The following ANXA2 variants were observed in gnomAD, a reference collection of about 807,000 sequenced individuals.
ANXA2 encodes annexin A2, also known as annexin II.
Under a neutral mutation model 47.3 loss-of-function variants are expected in ANXA2, and 28 were observed. The ratio of observed to expected loss-of-function variants is 0.59; its 90% CI spans 0.44 to 0.81. The LOEUF (loss-of-function observed/expected upper bound fraction) is 0.81. Among genes scored for constraint, ANXA2 ranks in the 40% least tolerant of loss-of-function variants. ANXA2 has a pLI of 0.00. For missense variants in ANXA2, 384 were observed against 414.3 expected (o/e 0.93, Z 0.64); for synonymous variants, 172 against 155.5 (o/e 1.11, Z -0.79).
chr15:60,391,500 C>G (rs2063009955), intron 1 of ANXA2, among the ~76,000 whole-genome samples: 1 of 152,036 alleles, frequency 6.6e-6, no homozygotes, highest in African/African-American at 2.4e-5. Flanking sequence ...TGTGGGGAAC[C>G]TAAAATATAA....
intron 1 of ANXA2, among the ~76,000 whole-genome samples, chr15:60,395,367 G>C (rs751215101): frequency 6.6e-6 from 1 of 152,142 alleles, no homozygotes; most frequent in Non-Finnish European, 1.5e-5. Context: ...TGGAATAAAT[G>C]GTTGTTTAAA....
chr15:60,393,164 G>A, intron 1 of ANXA2: 1 of 1,251,574 alleles, frequency 8.0e-7, no homozygotes, highest in Non-Finnish European at 1.0e-6. Context: ...TGAGCAGGAG[G>A]GACACACAGC....
At chr15:60,376,146 G>T (rs1379546216) in intron 3 of ANXA2, among the ~76,000 whole-genome samples, 2 of 152,170 alleles carry the variant, frequency 1.3e-5, no homozygotes, top group Non-Finnish European at 2.9e-5. Context: ...GGGAGGCTGA[G>T]GCAGGCGGAT....
chr15:60,369,619 C>T (rs2062686110), intron 3 of ANXA2, among the ~76,000 whole-genome samples: 1 of 152,200 alleles, frequency 6.6e-6, no homozygotes, highest in South Asian at 2.1e-4. Flanking sequence ...ACGTGAAGCA[C>T]TTATTAAAAA....
At chr15:60,365,060 T>TTTTTTTTTTTTTTTTTTGAGACGG (rs1555400954) in intron 3 of ANXA2, among the ~76,000 whole-genome samples, 2 of 146,350 alleles carry the variant, frequency 1.4e-5, no homozygotes, top group East Asian at 2.0e-4. Flanking sequence ...GTTGTATTTT[T>TTTTTTTTTTTTTTTTTTGAGACGG]AATAGCATAA....
At chr15:60,366,319 A>G (rs1460105991) in intron 3 of ANXA2, among the ~76,000 whole-genome samples, 13 of 129,738 alleles carry the variant, frequency 1.0e-4, no homozygotes, top group Admixed American at 2.3e-4. Flanking sequence ...CGTCTGGGAT[A>G]TGAGGAGCCC....
chr15:60,390,665 C>T, intron 1 of ANXA2: 1 of 257,660 alleles, frequency 3.9e-6, no homozygotes, highest in Non-Finnish European at 7.7e-6. Flanking sequence ...AAGAAAGGGC[C>T]AAGTGATCCA....
chr15:60,366,071 C>T (rs961956745), intron 3 of ANXA2, among the ~76,000 whole-genome samples: 10 of 131,954 alleles, frequency 7.6e-5, no homozygotes, highest in African/African-American at 2.7e-4. Flanking sequence ...GGCTGGTCTC[C>T]AGCTCCTAAC....
chr15:60,352,817 G>A lies in ANXA2; in HGVS notation c.589-341C>T, dbSNP rs1358530566. 6.6e-6 allele frequency among the ~76,000 whole-genome samples: 1 copy of A among 152,138 alleles called. No homozygotes were observed. The highest frequency in any genetic ancestry group is 1.5e-5 in the Non-Finnish European group (1 of 68,030). ...AACACATCTGGCCCTCCTCCCTTTGGGCACATTTAGGGGCAGATAAGCTAG... is the reference window on the plus strand; with the variant it reads ...AACACATCTGGCCCTCCTCCCTTTGAGCACATTTAGGGGCAGATAAGCTAG... On this transcript the variant is annotated intron_variant, in intron 8 of 12. Coordinates refer to ENST00000451270, the MANE Select transcript of ANXA2 (RefSeq NM_004039.3). This position sits in a 1 kb window ranked among gnomAD's most constrained non-coding sequence, Gnocchi z 4.2.
At chr15:60,388,736 T>C (rs931229293) in intron 1 of ANXA2, among the ~76,000 whole-genome samples, 1 of 134,660 alleles carries the variant, frequency 7.4e-6, no homozygotes, top group South Asian at 2.4e-4. Flanking sequence ...CACCTAGACC[T>C]TTTTTTTTTT....
intron 3 of ANXA2, among the ~76,000 whole-genome samples, chr15:60,369,176 T>G (rs1245419906): frequency 6.6e-6 from 1 of 152,260 alleles, no homozygotes; most frequent in East Asian, 1.9e-4. Context: ...TAACTTATAT[T>G]TTGTTTCATT....
intron 1 of ANXA2, among the ~76,000 whole-genome samples, chr15:60,387,752 A>T (rs146802113): frequency 6.6e-5 from 10 of 152,354 alleles, no homozygotes; most frequent in East Asian, 5.8e-4. Flanking sequence ...CGATGTGTCA[A>T]TGTAGGTTCA....
chr15:60,378,033 C>T (rs1425459839), intron 3 of ANXA2, among the ~76,000 whole-genome samples: 2 of 151,950 alleles, frequency 1.3e-5, no homozygotes, highest in Non-Finnish European at 2.9e-5. Context: ...TGCCAGGAGG[C>T]AGAGGTTGCA....
At chr15:60,366,421 C>G (rs1299228935) in intron 3 of ANXA2, among the ~76,000 whole-genome samples, 1 of 151,106 alleles carries the variant, frequency 6.6e-6, no homozygotes, top group Non-Finnish European at 1.5e-5. Flanking sequence ...GCGCGGCCGC[C>G]CATCGTCTGA....
At chr15:60,370,621 C>T (rs772601154) in intron 3 of ANXA2, among the ~76,000 whole-genome samples, 3 of 152,144 alleles carry the variant, frequency 2.0e-5, no homozygotes, top group Non-Finnish European at 4.4e-5. Context: ...CTGAAGGACT[C>T]GGACGGAACC....
At chr15:60,369,902 G>A (rs2062689679) in intron 3 of ANXA2, among the ~76,000 whole-genome samples, 2 of 152,212 alleles carry the variant, frequency 1.3e-5, no homozygotes, top group African/African-American at 4.8e-5. Context: ...ACCCAGGTAA[G>A]AAGTAACATC....
chr15:60,392,739 G>T (rs1486860450), intron 1 of ANXA2, among the ~76,000 whole-genome samples: 1 of 152,232 alleles, frequency 6.6e-6, no homozygotes, highest in Non-Finnish European at 1.5e-5. Flanking sequence ...CCACTTCACA[G>T]TTTAAACGTG....
At chr15:60,393,700 C>T (rs1595713491) in intron 1 of ANXA2, 8 of 984,994 alleles carry the variant, frequency 8.1e-6, no homozygotes, top group Non-Finnish European at 9.6e-6. Context: ...TCACACACCC[C>T]TCCTTGCCCT....
chr15:60,351,254 G>A lies in ANXA2; in HGVS notation c.779-3C>T, dbSNP rs761270748. 6.8e-6 allele frequency: 11 copies of A among 1,614,172 alleles called. No individual in the cohort carries two copies. The highest frequency in any genetic ancestry group is 9.3e-6 in the Non-Finnish European group (11 of 1,179,976). On this transcript the variant is annotated splice_polypyrimidine_tract_variant and splice_region_variant and intron_variant, in intron 10 of 12. Coordinates refer to ENST00000451270, the MANE Select transcript of ANXA2 (RefSeq NM_004039.3). ...GGGCTTGTTCTGAATGCACTGAACTGTGGAGAGAAGAAAGGGAGTCAGCGC... is the reference window on the plus strand; with the variant it reads ...GGGCTTGTTCTGAATGCACTGAACTATGGAGAGAAGAAAGGGAGTCAGCGC...
Sources: gnomAD v4.1 joint callset for allele counts (sites outside exome capture counted in the v4.1 genomes callset) on GRCh38, gnomAD v4.1.1 for gene constraint, Gnocchi (gnomAD v3.1) non-coding constraint, MANE v1.5 for transcripts, NCBI Gene and HGNC (gene_info 2026-07-23, HGNC 2026-07-21) for gene names.